The following GABRB3 variants were observed in gnomAD, a reference collection of about 807,000 sequenced individuals.
GABRB3 encodes the protein gamma-aminobutyric acid type A receptor subunit beta3, also known as gamma-aminobutyric acid receptor subunit beta-3.
Under a neutral mutation model 52.1 loss-of-function variants are expected in GABRB3, and 14 were observed. That is an observed-to-expected ratio of 0.27 (90% CI 0.18 to 0.42). GABRB3 has a LOEUF of 0.42. Ranked by LOEUF, GABRB3 falls within the 10% of genes least tolerant of loss-of-function variation. The pLI, the probability that GABRB3 is intolerant of heterozygous loss-of-function variation, is 1.00. For synonymous variants in GABRB3, 260 were observed against 232.3 expected (o/e 1.12, Z -1.08); for missense variants, 307 against 609.1 (o/e 0.50, Z 5.22).
chr15:26,661,030 C>T (rs1369265150), intron 3 of GABRB3, among the ~76,000 whole-genome samples: 1 of 152,020 alleles, frequency 6.6e-6, no homozygotes, highest in East Asian at 1.9e-4. Context: ...AAGTGATCCT[C>T]GCGCTTTGGT....
At chr15:26,713,165 G>A (rs572340454) in intron 3 of GABRB3, among the ~76,000 whole-genome samples, 1 of 152,320 alleles carries the variant, frequency 6.6e-6, no homozygotes, top group South Asian at 2.1e-4. Flanking sequence ...GGGCAACCAG[G>A]TGGCGCTCAG....
intron 8 of GABRB3, among the ~76,000 whole-genome samples, chr15:26,549,598 C>T (rs1239630742): frequency 6.6e-6 from 1 of 152,112 alleles, no homozygotes; most frequent in African/African-American, 2.4e-5. Context: ...TTTCAGTTGC[C>T]ATGAACCCCT....
intron 5 of GABRB3, 119 bp downstream of exon 5, chr15:26,583,213 G>T: frequency 1.3e-6 from 1 of 754,778 alleles, no homozygotes; most frequent in Non-Finnish European, 2.4e-6. Context: ...CTCTCTCTGT[G>T]TCTTCCCCTC....
At chr15:26,749,333 T>G (rs914599034) in intron 3 of GABRB3, among the ~76,000 whole-genome samples, 1 of 152,194 alleles carries the variant, frequency 6.6e-6, no homozygotes, top group African/African-American at 2.4e-5. Context: ...TGATTTAGTG[T>G]TATCTTTCTG....
chr15:26,741,046 GT>G (rs1890194741), intron 3 of GABRB3, among the ~76,000 whole-genome samples: 1 of 552 alleles, frequency 1.8e-3, no homozygotes, highest in Admixed American at 0.045. Context: ...GGAGGAATAA[GT>G]GTGTGTGTGT....
chr15:26,741,241 T>A (rs1165233629), intron 3 of GABRB3, among the ~76,000 whole-genome samples: 2 of 152,288 alleles, frequency 1.3e-5, no homozygotes, highest in Non-Finnish European at 2.9e-5. Flanking sequence ...TTCCCCATCA[T>A]ATGATGAATA....
At chr15:26,580,210 T>A in intron 6 of GABRB3, 109 bp downstream of exon 6, 1 of 1,303,726 alleles carries the variant, frequency 7.7e-7, no homozygotes, top group Non-Finnish European at 1.1e-6. Flanking sequence ...ATAACAGCAC[T>A]CCTTCCGATG....
intron 3 of GABRB3, among the ~76,000 whole-genome samples, chr15:26,691,550 C>T (rs559831334): frequency 1.4e-4 from 21 of 151,620 alleles, no homozygotes; most frequent in Non-Finnish European, 2.8e-4. Flanking sequence ...TGACCCATGG[C>T]GAAGGGAATT....
intron 3 of GABRB3, chr15:26,629,265 A>T: frequency 8.5e-7 from 1 of 1,181,376 alleles, no homozygotes; most frequent in Non-Finnish European, 1.1e-6. Flanking sequence ...GAGAGGGAGG[A>T]GGCGTGGTCT....
Position 26,718,431 on chromosome 15 carries a change from A to G in GABRB3, c.240+53971T>C, listed in dbSNP as rs1300255185. 2.0e-5 allele frequency among the ~76,000 whole-genome samples: 3 copies of G among 151,672 alleles called. No homozygotes were observed. In the East Asian group the frequency reaches 5.8e-4, roughly 29 times the overall value. On this transcript the variant is annotated intron_variant, in intron 3 of 8. Coordinates refer to ENST00000311550, the MANE Select transcript of GABRB3 (RefSeq NM_000814.6). ...TCCATGTGGGTCAGGCTGCTCTCGA[A>G]CTCCCGACCTCAGGTGATCCGCCCA...
intron 3 of GABRB3, among the ~76,000 whole-genome samples, chr15:26,738,336 G>A (rs964110076): frequency 2.6e-5 from 4 of 152,008 alleles, no homozygotes; most frequent in South Asian, 2.1e-4. Context: ...ACCCGCCTCC[G>A]CCCCCCAAAA....
chr15:26,603,968 G>T (rs760498158), intron 4 of GABRB3, among the ~76,000 whole-genome samples: 1 of 152,000 alleles, frequency 6.6e-6, no homozygotes, highest in Non-Finnish European at 1.5e-5. Flanking sequence ...AAATTAGAAA[G>T]GAAGAAGTCA....
intron 3 of GABRB3, among the ~76,000 whole-genome samples, chr15:26,768,283 G>C (rs559711317): frequency 5.9e-5 from 9 of 152,260 alleles, no homozygotes; most frequent in African/African-American, 2.2e-4. Context: ...CGAAGTGCAA[G>C]TTAAATCACA....
intron 8 of GABRB3, among the ~76,000 whole-genome samples, chr15:26,556,208 T>C (rs565553869): frequency 6.6e-6 from 1 of 152,348 alleles, no homozygotes; most frequent in South Asian, 2.1e-4. Context: ...TCTATAACCT[T>C]GACAGGTGCA....
chr15:26,603,017 A>C (rs1891644207), intron 4 of GABRB3, among the ~76,000 whole-genome samples: 1 of 152,050 alleles, frequency 6.6e-6, no homozygotes, highest in Admixed American at 6.6e-5. Flanking sequence ...ACCTTTAGCC[A>C]GACTAACTAC....
chr15:26,660,630 G>T (rs571112876), intron 3 of GABRB3, among the ~76,000 whole-genome samples: 29 of 152,214 alleles, frequency 1.9e-4, no homozygotes, highest in African/African-American at 6.3e-4. Flanking sequence ...GGGATATTTT[G>T]GGGAAAGCAC....
chr15:26,709,542 C>T lies in GABRB3; in HGVS notation c.240+62860G>A, dbSNP rs111375177. Reference sequence around the variant, plus strand: ...TTTTTTTTTTTTTTTTTTTTTGAGACAGTCTTGCTCTGTCGCCCAGACTGG... The same window carrying T: ...TTTTTTTTTTTTTTTTTTTTTGAGATAGTCTTGCTCTGTCGCCCAGACTGG... On this transcript the variant is annotated intron_variant, in intron 3 of 8. Transcript: ENST00000311550. 1.2e-3 allele frequency among the ~76,000 whole-genome samples: 76 copies of T among 65,232 alleles called. 2 individuals are homozygous for T. The highest frequency in any genetic ancestry group is 3.6e-4 in the Non-Finnish European group (11 of 30,510). The allele number at this position is 65,232 out of a possible 152,430, so 42.8% of individuals were successfully genotyped here.
intron 3 of GABRB3, among the ~76,000 whole-genome samples, chr15:26,733,824 T>A (rs1357042428): frequency 6.6e-6 from 1 of 152,090 alleles, no homozygotes; most frequent in Non-Finnish European, 1.5e-5. Context: ...AAATAAATGC[T>A]GGAATATATG....
intron 3 of GABRB3, among the ~76,000 whole-genome samples, chr15:26,703,398 G>A (rs1470532139): frequency 2.0e-5 from 3 of 152,138 alleles, no homozygotes; most frequent in African/African-American, 7.2e-5. Context: ...TCCTTTAAAT[G>A]TTCCACCTCT....
Sources: allele counts gnomAD v4.1 joint callset (sites outside exome capture counted in the v4.1 genomes callset), GRCh38; gene constraint gnomAD v4.1.1; transcripts MANE v1.5; gene names NCBI Gene and HGNC (gene_info 2026-07-23, HGNC 2026-07-21).